The following SYTL2 variants were observed in gnomAD, a reference collection of about 807,000 sequenced individuals.
SYTL2 encodes the protein synaptotagmin like 2, also known as synaptotagmin-like protein 2.
SYTL2 carries 165 observed loss-of-function variants against 198.7 expected under a neutral mutation model. The ratio of observed to expected loss-of-function variants is 0.83; its 90% CI spans 0.73 to 0.94. The LOEUF (loss-of-function observed/expected upper bound fraction) is 0.94, where lower values mean the gene tolerates loss of function less well. SYTL2 is among the 40% of genes least tolerant of loss of function. The pLI, the probability that SYTL2 is intolerant of heterozygous loss-of-function variation, is 0.00. For synonymous variants in SYTL2, 966 were observed against 917.7 expected (o/e 1.05, Z -0.95); for missense variants, 2,835 against 2,582.8 (o/e 1.10, Z -2.12).
At chr11:85,797,431 C>T (rs2092819261) in intron 1 of SYTL2, among the ~76,000 whole-genome samples, 1 of 151,898 alleles carries the variant, frequency 6.6e-6, no homozygotes, top group South Asian at 2.1e-4. Context: ...AATTCGAGAC[C>T]AGCCTGGCCA....
At chr11:85,697,322 G>A in intron 18 of SYTL2, among the ~76,000 whole-genome samples, 1 of 152,136 alleles carries the variant, frequency 6.6e-6, no homozygotes, top group East Asian at 1.9e-4. Context: ...TTATAGGCGT[G>A]AGACACCTCG....
chr11:85,725,259 A>T lies in SYTL2; in HGVS notation c.4099T>A (p.Leu1367Met), dbSNP rs2088971477. The T allele has an allele frequency of 1.2e-6, 2 of 1,614,168 alleles. No homozygotes were observed. The highest frequency in any genetic ancestry group is 2.2e-5 in the East Asian group (1 of 44,874). The part of the protein sequence containing the change: ...EKVILPPRPV[L>M]NDVSAALQKL... ...TGTAATGCAGCACTTACATCATTCA[A>T]TACAGGTCTGGGTGGAAGAATGACT... The change falls in exon 8 of 20, where the codon TTG becomes ATG. Residue 1367 changes from leucine (L) to methionine (M), a missense_variant. By Grantham distance (15) the Leu-to-Met change is conservative. Around this residue, in one of 3 missense-constraint regions of SYTL2, gnomAD observed 2,645 missense variants for 2,381.7 expected, o/e 1.11. Transcript: ENST00000359152.
intron 1 of SYTL2, among the ~76,000 whole-genome samples, chr11:85,763,797 G>T (rs1318719838): frequency 2.0e-5 from 3 of 152,070 alleles, no homozygotes; most frequent in Non-Finnish European, 2.9e-5. Context: ...CAACAAGAAG[G>T]CTCATCCCCA....
chr11:85,838,603 G>A, the SYTL2 span, among the ~76,000 whole-genome samples: 10 of 152,098 alleles, frequency 6.6e-5, no homozygotes, highest in African/African-American at 1.9e-4. Context: ...GAACAAGTGC[G>A]AGAGAGTGCC....
Position 85,780,179 on chromosome 11 carries a change from G to C in SYTL2, c.-389-22065C>G, listed in dbSNP as rs184144406. ...GAGTAAAACCATCCCAAAGTCTGTA[G>C]TCAAGCAAGCAACAGTCATTCTTTC... On this transcript the variant is annotated intron_variant, in intron 1 of 19. Coordinates refer to ENST00000359152, the MANE Select transcript of SYTL2 (RefSeq NM_206927.4). Among the ~76,000 whole-genome samples the C allele has an allele frequency of 1.8e-3, 280 of 152,328 alleles. 1 individual carries two copies. The highest frequency in any genetic ancestry group is 3.6e-3 in the Admixed American group (55 of 15,304).
chr11:85,711,357 G>A, intron 12 of SYTL2, 125 bp from the exon 13 acceptor site: 1 of 995,680 alleles, frequency 1.0e-6, no homozygotes, highest in Non-Finnish European at 1.5e-6. Flanking sequence ...AAGGATGCTA[G>A]TGCTAATTGC....
intron 7 of SYTL2, among the ~76,000 whole-genome samples, chr11:85,731,900 C>A (rs906511429): frequency 6.6e-6 from 1 of 151,898 alleles, no homozygotes; most frequent in Non-Finnish European, 1.5e-5. Context: ...TACAAATTTA[C>A]AAGAAAAAAC....
chr11:85,824,521 T>C, the SYTL2 span, among the ~76,000 whole-genome samples: 2 of 152,162 alleles, frequency 1.3e-5, no homozygotes, highest in African/African-American at 4.8e-5. Context: ...ACACTGAGTG[T>C]CTTGGGGTAG....
intron 7 of SYTL2, among the ~76,000 whole-genome samples, chr11:85,730,049 G>A (rs924487706): frequency 4.6e-5 from 7 of 152,130 alleles, no homozygotes; most frequent in African/African-American, 1.7e-4. Context: ...CCAGGAAGAC[G>A]TTGAATCCCT....
intron 1 of SYTL2, among the ~76,000 whole-genome samples, chr11:85,797,392 C>T (rs776178792): frequency 1.3e-5 from 2 of 152,078 alleles, no homozygotes; most frequent in Non-Finnish European, 2.9e-5. Context: ...CTTTGGGAGG[C>T]TGAGGTGGGA....
chr11:85,852,708 T>A, the SYTL2 span: 8 of 223,210 alleles, frequency 3.6e-5, no homozygotes. Context: ...TGCAGTGGCA[T>A]GATCACGGCT....
intron 4 of SYTL2, among the ~76,000 whole-genome samples, 157 bp downstream of exon 4, chr11:85,745,480 A>C (rs77653515): frequency 0.01 from 1,529 of 152,276 alleles, 15 homozygotes; most frequent in Non-Finnish European, 0.017. Flanking sequence ...CTTGGGCTTT[A>C]TCTGCATCGG....
intron 9 of SYTL2, among the ~76,000 whole-genome samples, chr11:85,719,871 A>G (rs1179291138): frequency 2.0e-5 from 3 of 152,260 alleles, no homozygotes; most frequent in African/African-American, 7.2e-5. Flanking sequence ...TCTTAATTGC[A>G]AATGCACAAA....
intron 1 of SYTL2, among the ~76,000 whole-genome samples, chr11:85,808,286 C>G (rs1160012891): frequency 6.6e-6 from 1 of 152,038 alleles, no homozygotes; most frequent in Non-Finnish European, 1.5e-5. Flanking sequence ...AGGCTGGTCT[C>G]GAACTCCTGA....
chr11:85,835,710 A>G, the SYTL2 span, among the ~76,000 whole-genome samples: 16 of 152,294 alleles, frequency 1.1e-4, no homozygotes, highest in Middle Eastern at 3.4e-3. Context: ...TCTACTGCAC[A>G]ACTATCATAA....
intron 1 of SYTL2, among the ~76,000 whole-genome samples, chr11:85,787,701 C>CTTTTTTTTT (rs56177666): frequency 1.1e-4 from 10 of 90,410 alleles, no homozygotes; most frequent in African/African-American, 1.4e-4. Context: ...TTTTCTTTTC[C>CTTTTTTTTT]TTTTTTTTTT....
rs759180231 is a variant in SYTL2 at position 85,714,509 on chromosome 11, T to G, written c.5531-2A>C. ...CAGGTTGTGTAGGCACTGTGGAAAC[T>G]AAACAGCAGCATTTCCATTTCAAAA... is the stretch of plus-strand genomic sequence containing the variant. On this transcript the variant is annotated splice_acceptor_variant, in intron 11 of 19. Transcript: ENST00000359152. LOFTEE classifies it high-confidence loss of function. 5 of 1,610,238 alleles carry G rather than the reference T, an allele frequency of 3.1e-6. No individual in the cohort carries two copies. Among genetic ancestry groups the G allele is most frequent in the Non-Finnish European group, 1.7e-6 (2 of 1,176,928 alleles).
At chr11:85,846,383 G>A in the SYTL2 span, among the ~76,000 whole-genome samples, 2 of 152,194 alleles carry the variant, frequency 1.3e-5, no homozygotes, top group African/African-American at 2.4e-5. Context: ...TTGAAGAGAG[G>A]AGTGTTAAAG....
At position 85,696,367 on chromosome 11, in the gene SYTL2, A is replaced by G. The variant is rs375540453; in HGVS notation, c.6390T>C (p.Ser2130=). 6.2e-6 allele frequency: 10 copies of G among 1,613,720 alleles called. No homozygotes were observed. The African/African-American group carries it at 9.3e-5, about 15-fold the overall frequency. The change falls in exon 19 of 20, where the codon AGT becomes AGC. Residue 2130 remains serine (S), a synonymous_variant. Transcript: ENST00000359152. ...FVKCTILPDT[S]RKSRQKTRAV... is the part of the protein sequence containing the mutation. Reference sequence around the variant, plus strand: ...CTCTTGTCTTCTGGCGACTTTTCCTACTTGTATCTGGAAGGATGGTACTAC... The same window carrying G: ...CTCTTGTCTTCTGGCGACTTTTCCTGCTTGTATCTGGAAGGATGGTACTAC...
Sources: allele counts gnomAD v4.1 joint callset (sites outside exome capture counted in the v4.1 genomes callset), GRCh38; gene constraint gnomAD v4.1.1; regional missense constraint gnomAD v4.1.1; transcripts MANE v1.5; gene names NCBI Gene and HGNC (gene_info 2026-07-23, HGNC 2026-07-21).